Variants in WWOX observed in about 807,000 individuals in gnomAD.
WWOX encodes WW domain containing oxidoreductase, also known as WW domain-containing oxidoreductase.
WWOX carries 69 observed loss-of-function variants against 46.2 expected under a neutral mutation model. The observed-to-expected ratio is 1.49, with a 90% CI of 1.23 to 1.82. The LOEUF is 1.82. Ranked by LOEUF, WWOX falls within the 40% of genes most tolerant of loss-of-function variation. The probability of loss-of-function intolerance (pLI) is 0.00; values close to 1 mark genes in which losing one functional copy is unlikely to be tolerated. For synonymous variants in WWOX, 359 were observed against 202.6 expected (o/e 1.77, Z -6.56); for missense variants, 919 against 542.6 (o/e 1.69, Z -6.89).
chr16:78,109,686 G>T lies in WWOX; in HGVS notation c.173-92G>T, dbSNP rs530741260. Reference sequence around the variant, plus strand: ...TGCTGGGTGGGAGGGACAGGCTTGGGGGCGGGGCTGGGAGGGCTCCTTCCC... The same window carrying T: ...TGCTGGGTGGGAGGGACAGGCTTGGTGGCGGGGCTGGGAGGGCTCCTTCCC... On this transcript the variant is annotated intron_variant, in intron 2 of 8. Transcript: ENST00000566780. 2.4e-4 allele frequency: 316 copies of T among 1,301,994 alleles called. 3 individuals are homozygous for T. In the African/African-American group the frequency reaches 4.2e-3, roughly 17 times the overall value. The allele number at this position is 1,301,994 out of a possible 1,614,324, so 80.7% of individuals were successfully genotyped here.
chr16:78,588,681 A>C (rs528788008), intron 8 of WWOX, among the ~76,000 whole-genome samples: 1 of 152,322 alleles, frequency 6.6e-6, no homozygotes, highest in South Asian at 2.1e-4. Context: ...GAGGTGTCCT[A>C]GGTGCCTCTT....
rs1431483726 is a variant in WWOX, at chr16:79,127,024, T to A, written c.1057-84584T>A. ...TTTTTTAAACTTATTTCTTTAATTT[T>A]ATTTTTTTTTAAATTAGGATTAAAA... On this transcript the variant is annotated intron_variant, in intron 8 of 8. Coordinates refer to ENST00000566780, the MANE Select transcript of WWOX (RefSeq NM_016373.4). Among the ~76,000 whole-genome samples, 9 of 152,266 alleles carry A rather than the reference T, an allele frequency of 5.9e-5. No individual in the cohort carries two copies. In the East Asian group the frequency reaches 1.5e-3, roughly 26 times the overall value.
At chr16:78,685,619 G>A (rs772257813) in intron 8 of WWOX, among the ~76,000 whole-genome samples, 14 of 152,226 alleles carry the variant, frequency 9.2e-5, no homozygotes, top group Non-Finnish European at 1.5e-4. Context: ...ATTTCACATG[G>A]CCATATATGT....
chr16:78,191,002 C>T (rs1472243608), intron 5 of WWOX, among the ~76,000 whole-genome samples: 2 of 152,198 alleles, frequency 1.3e-5, no homozygotes, highest in African/African-American at 2.4e-5. Flanking sequence ...ACAATGTCCA[C>T]ATACCAGCTT....
chr16:78,571,889 C>G (rs1265339882), intron 8 of WWOX, among the ~76,000 whole-genome samples: 1 of 152,064 alleles, frequency 6.6e-6, no homozygotes, highest in Non-Finnish European at 1.5e-5. Context: ...GCTGTTAATA[C>G]AACAATGATA....
chr16:78,666,402 C>T (rs2047334039), intron 8 of WWOX, among the ~76,000 whole-genome samples: 2 of 152,180 alleles, frequency 1.3e-5, no homozygotes, highest in Admixed American at 1.3e-4. Context: ...CCCAGTTTTA[C>T]ACATCAGAAC....
At chr16:78,578,282 A>T (rs868420230) in intron 8 of WWOX, among the ~76,000 whole-genome samples, 4,407 of 33,894 alleles carry the variant, frequency 0.13, 354 homozygotes, top group African/African-American at 0.17. Flanking sequence ...ATATATATAT[A>T]TATTTTTTTT....
chr16:78,922,601 G>C (rs555134466), intron 8 of WWOX, among the ~76,000 whole-genome samples: 2 of 152,182 alleles, frequency 1.3e-5, no homozygotes, highest in East Asian at 3.9e-4. Flanking sequence ...CTGCTCTCGA[G>C]CTCCTGACCT....
chr16:78,436,431 T>C (rs532698166), intron 8 of WWOX, among the ~76,000 whole-genome samples: 22 of 152,318 alleles, frequency 1.4e-4, no homozygotes, highest in African/African-American at 5.3e-4. Context: ...AAATAGCAGC[T>C]TTTATATGTC....
intron 5 of WWOX, among the ~76,000 whole-genome samples, chr16:78,293,437 G>T (rs965054271): frequency 9.9e-5 from 15 of 151,964 alleles, no homozygotes; most frequent in Admixed American, 7.2e-4. Flanking sequence ...GCATCATTTC[G>T]CTGGGTTACA....
At chr16:78,859,531 G>A (rs1366934689) in intron 8 of WWOX, among the ~76,000 whole-genome samples, 2 of 152,064 alleles carry the variant, frequency 1.3e-5, no homozygotes, top group South Asian at 2.1e-4. Flanking sequence ...CATTCCAGAG[G>A]GCATGTTGCT....
At chr16:78,976,710 G>A (rs1239744192) in intron 8 of WWOX, among the ~76,000 whole-genome samples, 1 of 152,200 alleles carries the variant, frequency 6.6e-6, no homozygotes, top group Non-Finnish European at 1.5e-5. Flanking sequence ...CCCACCAGGA[G>A]CTCACCAGAT....
intron 8 of WWOX, among the ~76,000 whole-genome samples, chr16:79,199,495 T>C (rs952680664): frequency 2.0e-5 from 3 of 152,164 alleles, no homozygotes; most frequent in Non-Finnish European, 2.9e-5. Flanking sequence ...TGGCACAAAA[T>C]CAAAACTGCA....
chr16:79,097,196 T>C (rs2049093707), intron 8 of WWOX, among the ~76,000 whole-genome samples: 1 of 152,176 alleles, frequency 6.6e-6, no homozygotes, highest in African/African-American at 2.4e-5. Context: ...GTCAGAATTC[T>C]CTTTTATAAA....
chr16:78,477,477 C>G (rs900166739), intron 8 of WWOX, among the ~76,000 whole-genome samples: 1 of 151,926 alleles, frequency 6.6e-6, no homozygotes, highest in Non-Finnish European at 1.5e-5. Context: ...CTTATTAAAC[C>G]TCACCTCTGG....
At chr16:78,824,288 A>G (rs1336156670) in intron 8 of WWOX, among the ~76,000 whole-genome samples, 1 of 152,200 alleles carries the variant, frequency 6.6e-6, no homozygotes, top group Non-Finnish European at 1.5e-5. Context: ...AAACTGACCA[A>G]TGATGATGAA....
intron 8 of WWOX, among the ~76,000 whole-genome samples, chr16:78,749,069 T>TG (rs1398188150): frequency 5.3e-5 from 8 of 152,234 alleles, no homozygotes; most frequent in African/African-American, 1.9e-4. Flanking sequence ...GCTGATCACA[T>TG]GGTCTGGATG....
At chr16:78,501,321 T>C (rs1235258522) in intron 8 of WWOX, among the ~76,000 whole-genome samples, 1 of 151,730 alleles carries the variant, frequency 6.6e-6, no homozygotes, top group Non-Finnish European at 1.5e-5. Flanking sequence ...GTTTTGGCAT[T>C]CTTTATGAAA....
chr16:78,456,174 G>A (rs1171409845), intron 8 of WWOX, among the ~76,000 whole-genome samples: 1 of 152,204 alleles, frequency 6.6e-6, no homozygotes, highest in Non-Finnish European at 1.5e-5. Flanking sequence ...TTGGCCCCAG[G>A]TTGTGTCTGA....
Sources: gnomAD v4.1 joint callset for allele counts (sites outside exome capture counted in the v4.1 genomes callset) on GRCh38, gnomAD v4.1.1 for gene constraint, MANE v1.5 for transcripts, NCBI Gene and HGNC (gene_info 2026-07-23, HGNC 2026-07-21) for gene names.